The following LTBP3 variants were observed in gnomAD, a reference collection of about 807,000 sequenced individuals.
The protein encoded by LTBP3 is latent transforming growth factor beta binding protein 3.
In LTBP3, 97 loss-of-function variants were observed where a neutral mutation model predicts 159.7. The observed-to-expected ratio is 0.61, with a 90% confidence interval of 0.52 to 0.72. The LOEUF is 0.72. Among genes scored for constraint, LTBP3 ranks in the 30% least tolerant of loss-of-function variants. The probability of loss-of-function intolerance (pLI) is 0.00; values close to 1 mark genes in which losing one functional copy is unlikely to be tolerated. For missense variants in LTBP3, 1,584 were observed against 1,864.3 expected (o/e 0.85, Z 2.77); for synonymous variants, 824 against 777.1 (o/e 1.06, Z -1.00).
In LTBP3 at chr11:65,546,386, C is replaced by G. The variant is rs1368409692; in HGVS notation, c.2353+56G>C. 2 of 1,487,814 alleles carry G rather than the reference C, an allele frequency of 1.3e-6. No individual in the cohort carries two copies. The highest frequency in any genetic ancestry group is 8.9e-7 in the Non-Finnish European group (1 of 1,124,904). The allele number at this position is 1,487,814 out of a possible 1,614,324, so 92.2% of individuals were successfully genotyped here. On this transcript the variant is annotated intron_variant, in intron 16 of 27. Transcript: ENST00000301873. The surrounding 1 kb of genome is among the most constrained non-coding windows in gnomAD (Gnocchi z 4.0). ...GTTTACAGACAGCGTGACCCGCTCC[C>G]CGGCTTCAGCGCGTAGGGGGCGGCG...
At position 65,540,649 on chromosome 11, in the gene LTBP3, G is replaced by A. The variant is rs372084911; in HGVS notation, c.2978-35C>T. ...GACAAACACTGGCCGCTCCGGTCCC[G>A]CAGCTGCAGCCCGGAGGCGTGGGCT... On this transcript the variant is annotated intron_variant, in intron 21 of 27. Coordinates refer to ENST00000301873, the MANE Select transcript of LTBP3 (RefSeq NM_001130144.3). The A allele has an allele frequency of 3.1e-6, 5 of 1,593,554 alleles. No individual in the cohort carries two copies. In the African/African-American group the frequency reaches 6.8e-5, roughly 22 times the overall value.
chr11:65,546,816 C>T lies in LTBP3; in HGVS notation c.2212G>A (p.Gly738Arg), dbSNP rs377496105. ...IACQPGYRSQ[G>R]GGACRDVNEC... Reference sequence around the variant, plus strand: ...CCCTCACCGCGACAGGCCCCGCCCCCCTGGCTGCGGTAGCCAGGCTGACAG... The same window carrying T: ...CCCTCACCGCGACAGGCCCCGCCCCTCTGGCTGCGGTAGCCAGGCTGACAG... Residue 738 changes from glycine to arginine, a missense_variant, in exon 15 of 28, where the codon GGG becomes AGG. By Grantham distance (125) the Gly-to-Arg change is moderately radical (BLOSUM62 -2). Transcript: ENST00000301873. The surrounding 1 kb of genome is among the most constrained non-coding windows in gnomAD (Gnocchi z 4.0). The T allele has an allele frequency of 1.5e-4, 237 of 1,606,776 alleles. 3 individuals carry two copies. The highest frequency in any genetic ancestry group is 1.7e-4 in the Middle Eastern group (1 of 6,034).
At position 65,541,798 on chromosome 11, in the gene LTBP3, A is replaced by C; in HGVS notation, c.2597-70T>G. On this transcript the variant is annotated intron_variant, in intron 18 of 27. Transcript: ENST00000301873. ...CCTGGGGCTGCACCTCAAGGGCCTCACACAAGTTCAGAACCTGAATTTCCA... is the reference window on the plus strand; with the variant it reads ...CCTGGGGCTGCACCTCAAGGGCCTCCCACAAGTTCAGAACCTGAATTTCCA... 1.9e-6 allele frequency: 3 copies of C among 1,578,528 alleles called. 1 individual carries two copies.
rs1393331291 is a variant in LTBP3 at position 65,547,291 on chromosome 11, C to A, written c.2107+148G>T. ...CCCGGGAGGCGGAGGTTGCAGTGAG[C>A]CAAGATCTCACCACCGCACTCCAGC... On this transcript the variant is annotated intron_variant, in intron 14 of 27. Transcript: ENST00000301873. This position sits in a 1 kb window ranked among gnomAD's most constrained non-coding sequence, Gnocchi z 4.6. 6 of 963,912 alleles carry A rather than the reference C, an allele frequency of 6.2e-6. No individual in the cohort carries two copies. The highest frequency in any genetic ancestry group is 9.3e-6 in the Non-Finnish European group (6 of 647,702). 59.7% of individuals were successfully genotyped at this position (963,912 alleles called of 1,614,324 possible).
chr11:65,541,073 G>C lies in LTBP3; in HGVS notation c.2893+53C>G, dbSNP rs541257615. 6.3e-6 allele frequency: 10 copies of C among 1,591,564 alleles called. 1 individual carries two copies. The highest frequency in any genetic ancestry group is 3.3e-4 in the Middle Eastern group (2 of 6,050). On this transcript the variant is annotated intron_variant, in intron 20 of 27. Coordinates refer to ENST00000301873, the MANE Select transcript of LTBP3 (RefSeq NM_001130144.3). ...CAGGGGGCGCCATTTCCCACATTTGGCTTCCAGATGAAGAAACTGAAGATC... is the reference window on the plus strand; with the variant it reads ...CAGGGGGCGCCATTTCCCACATTTGCCTTCCAGATGAAGAAACTGAAGATC...
In LTBP3 at chr11:65,538,861, C is replaced by A. The variant is rs1451176284; in HGVS notation, c.*219G>T. On this transcript the variant is annotated 3_prime_UTR_variant, in exon 28 of 28. Coordinates refer to ENST00000301873, the MANE Select transcript of LTBP3 (RefSeq NM_001130144.3). ...TTTATCAGTTTCTAGGAAACACCCT[C>A]TGGGAGGAAGGCAGGCAGCGCCCGC... 6.6e-6 allele frequency: 6 copies of A among 902,808 alleles called. No homozygotes were observed. The highest frequency in any genetic ancestry group is 9.2e-6 in the Non-Finnish European group (6 of 650,644). 55.9% of individuals were successfully genotyped at this position (902,808 alleles called of 1,614,324 possible). A position where few individuals can be genotyped will look rare whatever the true frequency, so the allele number is the denominator to read the frequency against.
intron 21 of LTBP3, 52 bp downstream of exon 21, chr11:65,540,819 G>C: frequency 6.4e-7 from 1 of 1,567,592 alleles, no homozygotes; most frequent in South Asian, 1.1e-5. Context: ...ATCCGGGCGA[G>C]CCCAACCCGG....
chr11:65,542,683 GC>G (rs1423324271), intron 18 of LTBP3: 1 of 307,932 alleles, frequency 3.2e-6, no homozygotes, highest in Non-Finnish European at 6.3e-6. Context: ...ACCGCCCCCA[GC>G]CTGAGCCACT....
At chr11:65,557,580 G>A in intron 1 of LTBP3, 49 bp downstream of exon 1, 1 of 1,601,212 alleles carries the variant, frequency 6.2e-7, no homozygotes, top group Non-Finnish European at 8.5e-7. Context: ...CTCCCACCGG[G>A]CCTGGTGCCT....
At position 65,538,809 on chromosome 11, in the gene LTBP3, A is replaced by G; in HGVS notation, c.*271T>C. ...GACGTGAACATCAATTTGCTTCGAA[A>G]GCCAAGGGTAAAGAGGCACGATCTG... On this transcript the variant is annotated 3_prime_UTR_variant, in exon 28 of 28. Coordinates refer to ENST00000301873, the MANE Select transcript of LTBP3 (RefSeq NM_001130144.3). 1.2e-6 allele frequency: 1 copy of G among 828,188 alleles called. No homozygotes were observed. Among genetic ancestry groups the G allele is most frequent in the East Asian group, 3.0e-5 (1 of 33,566 alleles). The allele number at this position is 828,188 out of a possible 1,614,324, so 51.3% of individuals were successfully genotyped here.
chr11:65,551,805 G>T, intron 8 of LTBP3, 167 bp downstream of exon 8: 1 of 966,244 alleles, frequency 1.0e-6, no homozygotes. Flanking sequence ...ATAGCTCAGG[G>T]TCAAATATCT....
chr11:65,547,619 G>C lies in LTBP3; in HGVS notation c.1979-52C>G. The C allele has an allele frequency of 3.7e-6, 6 of 1,610,572 alleles. No homozygotes were observed. The highest frequency in any genetic ancestry group is 4.2e-6 in the Non-Finnish European group (5 of 1,178,596). On this transcript the variant is annotated intron_variant, in intron 13 of 27. Coordinates refer to ENST00000301873, the MANE Select transcript of LTBP3 (RefSeq NM_001130144.3). This position sits in a 1 kb window ranked among gnomAD's most constrained non-coding sequence, Gnocchi z 4.6. Reference sequence around the variant, plus strand: ...GGGGTGTAGGAGGCGGCGGGCAAGGGGAGGGATTACACGGCGGTCTGGAGG... The same window carrying C: ...GGGGTGTAGGAGGCGGCGGGCAAGGCGAGGGATTACACGGCGGTCTGGAGG...
At position 65,541,615 on chromosome 11, in the gene LTBP3, G is replaced by A; in HGVS notation, c.2710C>T (p.Gln904Ter). ...CDEGFTPTQD[Q>*]HGCEEVEQPH... is the part of the protein sequence containing the mutation. Reference sequence around the variant, plus strand: ...GGACACTCACCCTCACAACCGTGCTGGTCCTGGGTGGGAGTGAAGCCCTCA... The same window carrying A: ...GGACACTCACCCTCACAACCGTGCTAGTCCTGGGTGGGAGTGAAGCCCTCA... The change falls in exon 19 of 28, where the codon CAG (glutamine) becomes TAG (stop). Residue 904 changes from glutamine (Q) to a stop codon, truncating the protein, a stop_gained. Transcript: ENST00000301873. LOFTEE classifies it high-confidence loss of function. 2 of 1,614,174 alleles carry A rather than the reference G, an allele frequency of 1.2e-6. No homozygotes were observed. Among genetic ancestry groups the A allele is most frequent in the Non-Finnish European group, 1.7e-6 (2 of 1,180,008 alleles).
rs771961734 is a variant in LTBP3, at chr11:65,540,306, G to A, written c.3183C>T (p.Ala1061=). 1.3e-6 allele frequency: 2 copies of A among 1,566,718 alleles called. No individual in the cohort carries two copies. Among genetic ancestry groups the A allele is most frequent in the African/African-American group, 1.3e-5 (1 of 74,278 alleles). The change falls in exon 23 of 28, where the codon GCC becomes GCT. Residue 1061 remains alanine, a synonymous_variant. Coordinates refer to ENST00000301873, the MANE Select transcript of LTBP3 (RefSeq NM_001130144.3). ...CENTRGGYRC[A]CTPPAEYSPA... ...GACTGTACTCGGCAGGGGGCGTGCAGGCACAGCGGTAGCCGCCGCGCGTGT... is the reference window on the plus strand; with the variant it reads ...GACTGTACTCGGCAGGGGGCGTGCAAGCACAGCGGTAGCCGCCGCGCGTGT...
intron 11 of LTBP3, 130 bp from the exon 12 acceptor site, chr11:65,548,175 A>T: frequency 7.4e-7 from 1 of 1,353,350 alleles, no homozygotes; most frequent in Non-Finnish European, 1.0e-6. Context: ...CAACTCCAGG[A>T]TGTCCTATTT....
chr11:65,552,944 C>T lies in LTBP3; in HGVS notation c.1102G>A (p.Gly368Ser), dbSNP rs771035903. The T allele has an allele frequency of 2.0e-5, 33 of 1,614,220 alleles. 2 individuals carry two copies. In the South Asian group the frequency reaches 3.5e-4, roughly 17 times the overall value. The change falls in exon 6 of 28, where the codon GGT becomes AGT. Residue 368 changes from glycine to serine, a missense_variant. Physicochemically the swap from Gly to Ser is moderately conservative, Grantham distance 56. Coordinates refer to ENST00000301873, the MANE Select transcript of LTBP3 (RefSeq NM_001130144.3). The surrounding 1 kb of genome is among the most constrained non-coding windows in gnomAD (Gnocchi z 6.0). ...ECAMPGVCRH[G>S]DCLNNPGSYR... Reference sequence around the variant, plus strand: ...GAGCCAGGGTTGTTGAGGCAGTCACCATGGCGACACACGCCCGGCATTGCG... The same window carrying T: ...GAGCCAGGGTTGTTGAGGCAGTCACTATGGCGACACACGCCCGGCATTGCG...
In LTBP3 at chr11:65,553,965, C is replaced by T; in HGVS notation, c.662-62G>A. 1 of 1,555,676 alleles carries T rather than the reference C, an allele frequency of 6.4e-7. No homozygotes were observed. The highest frequency in any genetic ancestry group is 8.7e-7 in the Non-Finnish European group (1 of 1,149,920). ...CCGCGCCGCGGGTCACCGCGCTGAG[C>T]TCCTCCAGGGCTGAACCTGCCCTGC... On this transcript the variant is annotated intron_variant, in intron 2 of 27. Coordinates refer to ENST00000301873, the MANE Select transcript of LTBP3 (RefSeq NM_001130144.3). The surrounding 1 kb of genome is among the most constrained non-coding windows in gnomAD (Gnocchi z 6.5).
rs1856651808 is a variant in LTBP3 at position 65,552,611 on chromosome 11, G to A, written c.1187-205C>T. Among the ~76,000 whole-genome samples, 2 of 152,026 alleles carry A rather than the reference G, an allele frequency of 1.3e-5. No individual in the cohort carries two copies. The highest frequency in any genetic ancestry group is 1.5e-5 in the Non-Finnish European group (1 of 67,998). On this transcript the variant is annotated intron_variant, in intron 6 of 27. Coordinates refer to ENST00000301873, the MANE Select transcript of LTBP3 (RefSeq NM_001130144.3). The surrounding 1 kb of genome is among the most constrained non-coding windows in gnomAD (Gnocchi z 6.0). The stretch of plus-strand genomic sequence containing the variant: ...TTGACTCCCGATTCTAGCTATCCTG[G>A]ACTTCACCACTCCTACTCATCAAGC...
At chr11:65,540,418 C>T (rs770842979) in intron 22 of LTBP3, 36 bp from the exon 23 acceptor site, 1 of 1,606,156 alleles carries the variant, frequency 6.2e-7, no homozygotes, top group Admixed American at 1.7e-5. Context: ...CAGGGGCAGG[C>T]CCGGGATGGG....
Sources: gnomAD v4.1 joint callset for allele counts (sites outside exome capture counted in the v4.1 genomes callset) on GRCh38, gnomAD v4.1.1 for gene constraint, Gnocchi (gnomAD v3.1) non-coding constraint, MANE v1.5 for transcripts, NCBI Gene and HGNC (gene_info 2026-07-23, HGNC 2026-07-21) for gene names.